The following DGKH variants were observed in gnomAD, a reference collection of about 807,000 sequenced individuals.
DGKH encodes DAG kinase eta.
Under a neutral mutation model 159.3 loss-of-function variants are expected in DGKH, and 90 were observed. That is an observed-to-expected ratio of 0.57 (90% CI 0.48 to 0.67). The LOEUF (loss-of-function observed/expected upper bound fraction) is 0.67. Among genes scored for constraint, DGKH ranks in the 30% least tolerant of loss-of-function variants. DGKH has a pLI of 0.00. For synonymous variants in DGKH, 536 were observed against 553.8 expected, an observed-to-expected ratio of 0.97 and a Z score of 0.45; for missense variants, 1,181 against 1,506.1, an observed-to-expected ratio of 0.78 and a Z score of 3.57.
intron 7 of DGKH, among the ~76,000 whole-genome samples, chr13:42,161,865 T>C (rs1327029959): frequency 2.0e-5 from 3 of 152,168 alleles, no homozygotes; most frequent in African/African-American, 4.8e-5. Context: ...TAAATTTTTT[T>C]CCCTGCAATT....
intron 2 of DGKH, among the ~76,000 whole-genome samples, chr13:42,128,823 G>A (rs1346049013): frequency 1.3e-5 from 2 of 152,158 alleles, no homozygotes; most frequent in Non-Finnish European, 1.5e-5. Context: ...TGGTTGAATT[G>A]AAGTAGACTA....
chr13:42,225,433 T>G, intron 29 of DGKH: 1 of 1,104,412 alleles, frequency 9.1e-7, no homozygotes. Flanking sequence ...CAAAGCATGC[T>G]TTGTCAAAAT....
At chr13:42,044,639 C>T (rs577566341), upstream of DGKH, among the ~76,000 whole-genome samples, 2 of 152,250 alleles carry the variant, frequency 1.3e-5, no homozygotes, top group East Asian at 1.9e-4. Context: ...CTGAACTTTA[C>T]GACACGATTG....
intron 20 of DGKH, 33 bp from the exon 21 acceptor site, chr13:42,206,006 T>A: frequency 8.0e-7 from 1 of 1,245,514 alleles, no homozygotes; most frequent in Non-Finnish European, 1.0e-6. Context: ...TTTTATCTAA[T>A]CTCTACTTTT....
Position 42,229,945 on chromosome 13 carries a change from CT to C in DGKH, c.*760del, listed in dbSNP as rs1958244832. The C allele has an allele frequency of 6.6e-6, 1 of 152,220 alleles. No individual in the cohort carries two copies. The highest frequency in any genetic ancestry group is 1.9e-4 in the East Asian group (1 of 5,172). 9.4% of individuals were successfully genotyped at this position (152,220 alleles called of 1,614,324 possible). ...TTGCGTAAATATTCTGTACCTAAGA[CT>C]TTGTGAAAGTGTGTCTGTGCCATAA... is the stretch of plus-strand genomic sequence containing the variant. On this transcript the variant is annotated 3_prime_UTR_variant, in exon 30 of 30. Coordinates refer to ENST00000337343, the MANE Select transcript of DGKH (RefSeq NM_178009.5).
intron 29 of DGKH, among the ~76,000 whole-genome samples, chr13:42,249,410 CCAAACAAA>C (rs536978091): frequency 1.0e-3 from 153 of 152,128 alleles, no homozygotes; most frequent in African/African-American, 3.5e-3. Context: ...GACTCTGTCT[CCAAACAAA>C]CAAACAAACA....
At chr13:42,203,384 T>C (rs1169853538) in intron 20 of DGKH, among the ~76,000 whole-genome samples, 1 of 152,204 alleles carries the variant, frequency 6.6e-6, no homozygotes, top group Non-Finnish European at 1.5e-5. Flanking sequence ...AAGAAGGAAA[T>C]TTACTGACTT....
At chr13:42,187,451 A>G (rs893556724) in intron 14 of DGKH, among the ~76,000 whole-genome samples, 4 of 151,924 alleles carry the variant, frequency 2.6e-5, no homozygotes, top group African/African-American at 7.3e-5. Context: ...CTCTCTACTC[A>G]CTGCAACCTT....
At chr13:42,153,350 C>A (rs1396473090) in intron 3 of DGKH, among the ~76,000 whole-genome samples, 1 of 152,102 alleles carries the variant, frequency 6.6e-6, no homozygotes, top group Non-Finnish European at 1.5e-5. Flanking sequence ...ACAGTTAAAA[C>A]CATTAGTCAT....
chr13:42,252,447 A>G (rs1257702159), exon 30 of DGKH: 4 of 152,242 alleles, frequency 2.6e-5, no homozygotes, highest in African/African-American at 4.8e-5. Flanking sequence ...CTGCTTCTCT[A>G]GGAATCCAAG....
chr13:42,245,659 C>T (rs1468736613), downstream of DGKH, among the ~76,000 whole-genome samples: 2 of 151,862 alleles, frequency 1.3e-5, no homozygotes, highest in Non-Finnish European at 2.9e-5. Context: ...GATCTTGGCT[C>T]ACTGCAACCA....
chr13:42,067,229 A>G (rs921870354), intron 1 of DGKH, among the ~76,000 whole-genome samples: 2 of 152,176 alleles, frequency 1.3e-5, no homozygotes, highest in African/African-American at 4.8e-5. Context: ...TGCGTGTTAA[A>G]CTATTTTAAG....
At position 42,159,242 on chromosome 13, in the gene DGKH, C is replaced by CTATTTTTTTTTTTTTTT; in HGVS notation, c.623-23_623-22insATTTTTTTTTTTTTTTT. 2 of 159,044 alleles carry CTATTTTTTTTTTTTTTT rather than the reference C, an allele frequency of 1.3e-5. 1 individual carries two copies. Among genetic ancestry groups the CTATTTTTTTTTTTTTTT allele is most frequent in the South Asian group, 1.2e-4 (2 of 16,228 alleles). The allele number at this position is 159,044 out of a possible 1,614,324, so 9.9% of individuals were successfully genotyped here. On this transcript the variant is annotated intron_variant, in intron 5 of 29. Coordinates refer to ENST00000337343, the MANE Select transcript of DGKH (RefSeq NM_178009.5). Reference sequence around the variant, plus strand: ...TTTCTTGTCCACTTAAAAGCAGTTGCTCTTTTTTTTTTTTTTTTTTTAGTG... The same window carrying CTATTTTTTTTTTTTTTT: ...TTTCTTGTCCACTTAAAAGCAGTTGCTATTTTTTTTTTTTTTTTCTTTTTTTTTTTTTTTTTTTAGTG...
intron 18 of DGKH, 43 bp downstream of exon 18, chr13:42,198,638 G>GTTT: frequency 7.1e-5 from 83 of 1,167,972 alleles, no homozygotes; most frequent in Admixed American, 2.0e-4. Context: ...GGTTTTTCTT[G>GTTT]TTTTTTTTTT....
chr13:42,133,628 T>A (rs1955337714), intron 3 of DGKH, among the ~76,000 whole-genome samples: 1 of 151,790 alleles, frequency 6.6e-6, no homozygotes, highest in Non-Finnish European at 1.5e-5. Context: ...CTCTGGAGTT[T>A]GAGGTTGCAG....
At chr13:42,101,795 AAG>A (rs1954657200) in intron 1 of DGKH, among the ~76,000 whole-genome samples, 1 of 132,316 alleles carries the variant, frequency 7.6e-6, no homozygotes, top group East Asian at 2.2e-4. Context: ...GAGAGAGAGA[AAG>A]AGAGAGAAAT....
At chr13:42,065,795 C>A (rs1420824731) in intron 1 of DGKH, among the ~76,000 whole-genome samples, 1 of 152,174 alleles carries the variant, frequency 6.6e-6, no homozygotes, top group East Asian at 1.9e-4. Flanking sequence ...TTATTGTCAT[C>A]ATTGTAACCC....
chr13:42,178,125 T>C lies in DGKH; in HGVS notation c.1453-10T>C, dbSNP rs548798345. ...AACAATAATACAGTGTAGAGTTTTCTTTTCTTCAGATGACGATTTATGAAG... is the reference window on the plus strand; with the variant it reads ...AACAATAATACAGTGTAGAGTTTTCCTTTCTTCAGATGACGATTTATGAAG... On this transcript the variant is annotated splice_polypyrimidine_tract_variant and intron_variant, in intron 12 of 29. Transcript: ENST00000337343. The C allele has an allele frequency of 1.6e-5, 25 of 1,603,486 alleles. No homozygotes were observed. In the African/African-American group the frequency reaches 2.4e-4, roughly 15 times the overall value.
chr13:42,070,426 A>C, intron 1 of DGKH: 1 of 1,335,278 alleles, frequency 7.5e-7, no homozygotes. Context: ...TCAGCATTTC[A>C]GCAGAGATGC....
Sources: gnomAD v4.1 joint callset for allele counts (sites outside exome capture counted in the v4.1 genomes callset) on GRCh38, gnomAD v4.1.1 for gene constraint, MANE v1.5 for transcripts, NCBI Gene and HGNC (gene_info 2026-07-23, HGNC 2026-07-21) for gene names.